ZNF704: variants seen among roughly 807,000 people sequenced by gnomAD.
ZNF704 encodes glucocorticoid induced gene 1.
A neutral mutation model predicts 44.7 loss-of-function variants in ZNF704; 10 were observed. The observed-to-expected ratio is 0.22, with a 90% CI of 0.14 to 0.38. The LOEUF (loss-of-function observed/expected upper bound fraction) is 0.38, where lower values mean the gene tolerates loss of function less well. Among genes scored for constraint, ZNF704 ranks in the 10% least tolerant of loss-of-function variants. The pLI, the probability that ZNF704 is intolerant of heterozygous loss-of-function variation, is 1.00. For synonymous variants in ZNF704, 211 were observed against 207.6 expected, an observed-to-expected ratio of 1.02 and a Z score of -0.14; for missense variants, 390 against 545.5, an observed-to-expected ratio of 0.71 and a Z score of 2.84.
chr8:80,645,104 C>G, intron 7 of ZNF704: 2 of 1,589,310 alleles, frequency 1.3e-6, no homozygotes, highest in South Asian at 2.2e-5. Flanking sequence ...CCTTGGGCAG[C>G]ATGACATGTC....
Position 80,634,712 on chromosome 8 carries a change from T to C in ZNF704, c.*6654A>G, listed in dbSNP as rs1396994400. ...TGCAGTTCAACCTGGTCTCCACCAT[T>C]CTTGTGTTCCTCTTTGCCTTATCCA... On this transcript the variant is annotated 3_prime_UTR_variant, in exon 9 of 9. Transcript: ENST00000327835. The C allele has an allele frequency of 1.3e-5, 2 of 152,258 alleles. No homozygotes were observed. Among genetic ancestry groups the C allele is most frequent in the Non-Finnish European group, 2.9e-5 (2 of 68,088 alleles). 9.4% of individuals were successfully genotyped at this position (152,258 alleles called of 1,614,324 possible).
At chr8:80,731,545 C>A in intron 2 of ZNF704, among the ~76,000 whole-genome samples, 1 of 152,184 alleles carries the variant, frequency 6.6e-6, no homozygotes, top group East Asian at 1.9e-4. Context: ...ACTATCACTA[C>A]TTTCTATATG....
intron 5 of ZNF704, among the ~76,000 whole-genome samples, chr8:80,666,279 A>G (rs1818193323): frequency 6.6e-6 from 1 of 150,402 alleles, no homozygotes; most frequent in Non-Finnish European, 1.5e-5. Context: ...CCATGTCCCT[A>G]CAAAGGACAT....
intron 2 of ZNF704, among the ~76,000 whole-genome samples, chr8:80,798,959 A>G (rs1221602710): frequency 6.6e-6 from 1 of 152,216 alleles, no homozygotes; most frequent in Non-Finnish European, 1.5e-5. Context: ...AAAGTGGCTC[A>G]TGGCATGACA....
intron 1 of ZNF704, among the ~76,000 whole-genome samples, chr8:80,855,843 T>C (rs916327540): frequency 3.3e-5 from 5 of 152,216 alleles, no homozygotes; most frequent in East Asian, 1.9e-4. Context: ...ACGAAGACTA[T>C]AGTGAAACAA....
intron 4 of ZNF704, 136 bp downstream of exon 4, chr8:80,687,090 T>C: frequency 1.4e-6 from 1 of 704,934 alleles, no homozygotes; most frequent in Non-Finnish European, 2.4e-6. Context: ...TCAAGAACAT[T>C]AAAGAGGAAC....
chr8:80,706,057 G>A (rs142528448), intron 2 of ZNF704, among the ~76,000 whole-genome samples: 2 of 152,276 alleles, frequency 1.3e-5, no homozygotes, highest in Non-Finnish European at 2.9e-5. Flanking sequence ...TGGGAAGTCT[G>A]CAGGTTAACG....
chr8:80,847,173 AAAAATAAAATAAAATAAAATAT>A (rs1024828499), intron 1 of ZNF704, among the ~76,000 whole-genome samples: 1 of 152,156 alleles, frequency 6.6e-6, no homozygotes, highest in Non-Finnish European at 1.5e-5. Context: ...ACTCCATCTT[AAAAATAAAATAAAATAAAATAT>A]AAAATAAAAT....
chr8:80,859,691 A>G (rs1220515224), intron 1 of ZNF704, among the ~76,000 whole-genome samples: 5 of 152,134 alleles, frequency 3.3e-5, no homozygotes, highest in Non-Finnish European at 1.5e-5. Context: ...GACATGAGCA[A>G]TCTCGGGGAT....
chr8:80,777,482 C>A (rs762791866), intron 2 of ZNF704, among the ~76,000 whole-genome samples: 9 of 152,130 alleles, frequency 5.9e-5, no homozygotes, highest in Non-Finnish European at 1.3e-4. Flanking sequence ...ATATCCTTCA[C>A]CTTCAGTCAC....
At chr8:80,739,094 G>T (rs1195522881) in intron 2 of ZNF704, among the ~76,000 whole-genome samples, 1 of 152,122 alleles carries the variant, frequency 6.6e-6, no homozygotes, top group Non-Finnish European at 1.5e-5. Context: ...ATCCACTCAG[G>T]TAATGAGTAT....
At chr8:80,675,683 A>AGG (rs1330467771) in intron 4 of ZNF704, among the ~76,000 whole-genome samples, 1 of 152,148 alleles carries the variant, frequency 6.6e-6, no homozygotes, top group African/African-American at 2.4e-5. Flanking sequence ...GAATGATAAG[A>AGG]GGGATGGTGT....
intron 2 of ZNF704, among the ~76,000 whole-genome samples, chr8:80,755,270 G>A (rs1807016180): frequency 6.6e-6 from 1 of 152,148 alleles, no homozygotes; most frequent in South Asian, 2.1e-4. Flanking sequence ...TTCAAGACCA[G>A]CCTGGCCAAC....
At chr8:80,670,103 T>A (rs1246745492) in intron 5 of ZNF704, among the ~76,000 whole-genome samples, 1 of 152,226 alleles carries the variant, frequency 6.6e-6, no homozygotes, top group Non-Finnish European at 1.5e-5. Flanking sequence ...TTCAGTGGGT[T>A]CAAGGACCCC....
chr8:80,665,092 AAG>A lies in ZNF704; in HGVS notation c.660-12_660-11del, dbSNP rs765272307. 1 of 1,612,954 alleles carries A rather than the reference AAG, an allele frequency of 6.2e-7. No homozygotes were observed. Among genetic ancestry groups the A allele is most frequent in the South Asian group, 1.1e-5 (1 of 91,070 alleles). ...AGAGTCTCCAACGCGCCTAATGCAA[AAG>A]AGAGTAAAACAATCATACTAAGCCA... On this transcript the variant is annotated splice_polypyrimidine_tract_variant and intron_variant, in intron 5 of 8. Coordinates refer to ENST00000327835, the MANE Select transcript of ZNF704 (RefSeq NM_001033723.3).
At chr8:80,810,849 T>A (rs1024400644) in intron 2 of ZNF704, among the ~76,000 whole-genome samples, 2 of 152,228 alleles carry the variant, frequency 1.3e-5, no homozygotes, top group East Asian at 3.8e-4. Flanking sequence ...CTAGTCCAGC[T>A]AAATACTGCC....
chr8:80,876,745 G>C (rs958390111), upstream of ZNF704, among the ~76,000 whole-genome samples: 5 of 152,164 alleles, frequency 3.3e-5, no homozygotes, highest in African/African-American at 9.7e-5. Context: ...GGACAAGCTA[G>C]GGTTTATATG....
At chr8:80,661,247 C>T (rs921756090) in intron 6 of ZNF704, among the ~76,000 whole-genome samples, 2 of 152,096 alleles carry the variant, frequency 1.3e-5, no homozygotes, top group East Asian at 1.9e-4. Flanking sequence ...AATGAAGTAT[C>T]GTCTCACCCT....
At position 80,638,943 on chromosome 8, in the gene ZNF704, A is replaced by G. The variant is rs1306514761; in HGVS notation, c.*2423T>C. The G allele has an allele frequency of 6.6e-6, 1 of 152,342 alleles. No homozygotes were observed. The highest frequency in any genetic ancestry group is 1.5e-5 in the Non-Finnish European group (1 of 68,122). 9.4% of individuals were successfully genotyped at this position (152,342 alleles called of 1,614,324 possible). A position where few individuals can be genotyped will look rare whatever the true frequency, so the allele number is the denominator to read the frequency against. On this transcript the variant is annotated 3_prime_UTR_variant, in exon 9 of 9. Coordinates refer to ENST00000327835, the MANE Select transcript of ZNF704 (RefSeq NM_001033723.3). ...TCTGTAGTTCTGCTTATACCTGTGC[A>G]CTGGCTGAACACCAGATAAGGACTG...
Sources: gnomAD v4.1 joint callset for allele counts (sites outside exome capture counted in the v4.1 genomes callset) on GRCh38, gnomAD v4.1.1 for gene constraint, MANE v1.5 for transcripts, NCBI Gene and HGNC (gene_info 2026-07-23, HGNC 2026-07-21) for gene names.